The following FBXL20 variants were observed in gnomAD, a reference collection of about 807,000 sequenced individuals.
FBXL20 encodes F-box and leucine rich repeat protein 20.
FBXL20 carries 11 observed loss-of-function variants against 64.0 expected under a neutral mutation model. The observed-to-expected ratio is 0.17, with a 90% CI of 0.11 to 0.28. FBXL20 has a LOEUF of 0.28. Among genes scored for constraint, FBXL20 ranks in the 10% least tolerant of loss-of-function variants. The pLI, the probability that FBXL20 is intolerant of heterozygous loss-of-function variation, is 1.00. For synonymous variants in FBXL20, 184 were observed against 189.0 expected (o/e 0.97, Z 0.22); for missense variants, 303 against 526.2 (o/e 0.58, Z 4.15).
At chr17:39,373,597 ACCTC>A (rs2047938479) in intron 1 of FBXL20, among the ~76,000 whole-genome samples, 1 of 152,102 alleles carries the variant, frequency 6.6e-6, no homozygotes, top group South Asian at 2.1e-4. Context: ...TTTTCTTGAG[ACCTC>A]TTCAGAAATC....
chr17:39,304,023 T>C (rs999391932), intron 2 of FBXL20, among the ~76,000 whole-genome samples: 1 of 151,114 alleles, frequency 6.6e-6, no homozygotes, highest in African/African-American at 2.4e-5. Flanking sequence ...AATAACAGAC[T>C]ACATGTATAT....
chr17:39,296,167 A>G (rs527757056), intron 6 of FBXL20, among the ~76,000 whole-genome samples: 1 of 152,306 alleles, frequency 6.6e-6, no homozygotes, highest in South Asian at 2.1e-4. Context: ...TAATTTATCT[A>G]AAGTAAATGT....
Position 39,287,109 on chromosome 17 carries a change from C to T in FBXL20, c.399-1536G>A, listed in dbSNP as rs561702774. ...TCTATTTTTAGTAGAGACGGGTTTTCACCATGTTGGCCAGGCTGGTCTTGA... is the reference window on the plus strand; with the variant it reads ...TCTATTTTTAGTAGAGACGGGTTTTTACCATGTTGGCCAGGCTGGTCTTGA... On this transcript the variant is annotated intron_variant, in intron 6 of 14. Transcript: ENST00000264658. Among the ~76,000 whole-genome samples the T allele has an allele frequency of 1.2e-3, 178 of 151,922 alleles. 2 individuals carry two copies. Among genetic ancestry groups the T allele is most frequent in the Middle Eastern group, 0.01 (3 of 294 alleles).
At chr17:39,300,962 C>CT in intron 4 of FBXL20, 39 bp downstream of exon 4, 1 of 1,574,848 alleles carries the variant, frequency 6.3e-7, no homozygotes, top group East Asian at 2.2e-5. Context: ...GCTGTAATTA[C>CT]TAACATGAAA....
At chr17:39,290,507 G>T (rs1308511147) in intron 6 of FBXL20, among the ~76,000 whole-genome samples, 1 of 152,102 alleles carries the variant, frequency 6.6e-6, no homozygotes, top group African/African-American at 2.4e-5. Flanking sequence ...ATATGATGTT[G>T]TAAGAGATTT....
intron 1 of FBXL20, among the ~76,000 whole-genome samples, chr17:39,389,444 G>A (rs1272137883): frequency 1.3e-5 from 2 of 152,172 alleles, no homozygotes; most frequent in African/African-American, 2.4e-5. Flanking sequence ...AAGGGTATTG[G>A]CAATGCAGTG....
intron 1 of FBXL20, among the ~76,000 whole-genome samples, chr17:39,390,873 C>T (rs950979661): frequency 2.6e-5 from 4 of 151,844 alleles, no homozygotes; most frequent in African/African-American, 9.7e-5. Context: ...ATGGTAAAAC[C>T]CTGTCTCTAC....
At chr17:39,315,730 G>A (rs1001583579) in intron 2 of FBXL20, among the ~76,000 whole-genome samples, 18 of 151,726 alleles carry the variant, frequency 1.2e-4, no homozygotes, top group African/African-American at 3.9e-4. Flanking sequence ...AACCCAAGCA[G>A]GACTTTGTCC....
chr17:39,265,092 C>T (rs2144339906), intron 13 of FBXL20, among the ~76,000 whole-genome samples: 1 of 152,292 alleles, frequency 6.6e-6, no homozygotes, highest in Non-Finnish European at 1.5e-5. Context: ...GCAATCTGAT[C>T]CCCTGGATCT....
intron 2 of FBXL20, among the ~76,000 whole-genome samples, chr17:39,329,730 G>A (rs927349648): frequency 1.3e-5 from 2 of 152,170 alleles, no homozygotes; most frequent in African/African-American, 4.8e-5. Context: ...GGGTATGGTG[G>A]CTCACATCTG....
chr17:39,321,238 G>A (rs2047353128), intron 2 of FBXL20, among the ~76,000 whole-genome samples: 2 of 152,052 alleles, frequency 1.3e-5, no homozygotes, highest in African/African-American at 4.8e-5. Context: ...TGGATCACGA[G>A]GTCAGGAGTT....
chr17:39,276,897 G>A (rs1355480486), intron 9 of FBXL20, among the ~76,000 whole-genome samples: 1 of 152,004 alleles, frequency 6.6e-6, no homozygotes, highest in Non-Finnish European at 1.5e-5. Context: ...GGTTAGTCTG[G>A]GCAACATAAT....
At chr17:39,275,658 C>T (rs1370571810) in intron 9 of FBXL20, among the ~76,000 whole-genome samples, 1 of 151,834 alleles carries the variant, frequency 6.6e-6, no homozygotes, top group Non-Finnish European at 1.5e-5. Flanking sequence ...GATCTGCCCA[C>T]CTCAGCCTCC....
chr17:39,394,350 G>A (rs187188436), intron 1 of FBXL20, among the ~76,000 whole-genome samples: 1 of 146,108 alleles, frequency 6.8e-6, no homozygotes, highest in East Asian at 2.0e-4. Flanking sequence ...TCGGCTCACT[G>A]CAAGCTCCAC....
At chr17:39,315,392 T>TA (rs2047276120) in intron 2 of FBXL20, among the ~76,000 whole-genome samples, 1 of 131,650 alleles carries the variant, frequency 7.6e-6, no homozygotes. Context: ...GTTTAAATAA[T>TA]TTATATATAT....
chr17:39,321,688 G>A (rs1462610365), intron 2 of FBXL20, among the ~76,000 whole-genome samples: 1 of 147,358 alleles, frequency 6.8e-6, no homozygotes, highest in Non-Finnish European at 1.5e-5. Flanking sequence ...GCTGAGGCAG[G>A]AAAATCGCTT....
intron 6 of FBXL20, among the ~76,000 whole-genome samples, chr17:39,287,961 A>T (rs2144404948): frequency 6.8e-6 from 1 of 148,106 alleles, no homozygotes; most frequent in Non-Finnish European, 1.5e-5. Flanking sequence ...CAATTCTGTA[A>T]TGAAAACTTT....
intron 2 of FBXL20, among the ~76,000 whole-genome samples, chr17:39,318,501 G>A (rs998466703): frequency 6.6e-6 from 1 of 152,126 alleles, no homozygotes; most frequent in African/African-American, 2.4e-5. Context: ...AGCACTTTGG[G>A]AGGCCAAGGC....
chr17:39,254,066 CAA>C lies in FBXL20; in HGVS notation c.*7392_*7393del, dbSNP rs1470210277. ...TAATGGCAAGAGAAACTTAGTGAAGCAAAGTTTTCTTTTCTTTTCTCTTTTTT... is the reference window on the plus strand; with the variant it reads ...TAATGGCAAGAGAAACTTAGTGAAGCAGTTTTCTTTTCTTTTCTCTTTTTT... On this transcript the variant is annotated 3_prime_UTR_variant, in exon 15 of 15. Coordinates refer to ENST00000264658, the MANE Select transcript of FBXL20 (RefSeq NM_032875.3). 6.6e-6 allele frequency: 1 copy of C among 152,156 alleles called. No individual in the cohort carries two copies. Among genetic ancestry groups the C allele is most frequent in the Non-Finnish European group, 1.5e-5 (1 of 68,016 alleles). The allele number at this position is 152,156 out of a possible 1,614,324, so 9.4% of individuals were successfully genotyped here.
Sources: gnomAD v4.1 joint callset for allele counts (sites outside exome capture counted in the v4.1 genomes callset) on GRCh38, gnomAD v4.1.1 for gene constraint, MANE v1.5 for transcripts, NCBI Gene and HGNC (gene_info 2026-07-23, HGNC 2026-07-21) for gene names.